The following OSBPL8 variants were observed in gnomAD, a reference collection of about 807,000 sequenced individuals.
OSBPL8 encodes oxysterol-binding protein-related protein 8.
A neutral mutation model predicts 125.5 loss-of-function variants in OSBPL8; 59 were observed. The ratio of observed to expected loss-of-function variants is 0.47; its 90% CI spans 0.38 to 0.58. OSBPL8 has a LOEUF of 0.58. OSBPL8 is among the 20% of genes least tolerant of loss of function. OSBPL8 has a pLI of 0.00. For missense variants in OSBPL8, 758 were observed against 1,047.8 expected, an observed-to-expected ratio of 0.72 and a Z score of 3.82; for synonymous variants, 330 against 338.9, an observed-to-expected ratio of 0.97 and a Z score of 0.29.
intron 4 of OSBPL8, among the ~76,000 whole-genome samples, chr12:76,420,730 A>C (rs917745564): frequency 4.6e-5 from 7 of 152,072 alleles, no homozygotes; most frequent in Non-Finnish European, 1.0e-4. Context: ...TACAACAATG[A>C]AGTATATCAG....
At chr12:76,386,364 C>T (rs1405633168) in intron 13 of OSBPL8, 98 bp from the exon 14 acceptor site, 3 of 1,425,014 alleles carry the variant, frequency 2.1e-6, no homozygotes, top group Non-Finnish European at 2.8e-6. Flanking sequence ...CATCTGGGAA[C>T]CGTCCTTATA....
chr12:76,498,724 A>AT (rs1879546938), intron 1 of OSBPL8, among the ~76,000 whole-genome samples: 1 of 80,966 alleles, frequency 1.2e-5, no homozygotes. Flanking sequence ...AAGCCTCCCC[A>AT]CTTTTTTTTT....
intron 23 of OSBPL8, among the ~76,000 whole-genome samples, 179 bp downstream of exon 23, chr12:76,356,447 G>T (rs1488559288): frequency 1.3e-5 from 2 of 152,082 alleles, no homozygotes; most frequent in African/African-American, 4.8e-5. Context: ...TCCTTCCCAA[G>T]TATTTTAGTG....
intron 1 of OSBPL8, among the ~76,000 whole-genome samples, chr12:76,552,428 C>CAA (rs55942644): frequency 2.6e-4 from 14 of 54,884 alleles, no homozygotes; most frequent in South Asian, 9.5e-4. Context: ...CCCATGTCTC[C>CAA]AAAAAAAAAA....
At position 76,361,552 on chromosome 12, in the gene OSBPL8, T is replaced by A. The variant is rs1952206954; in HGVS notation, c.2329-2741A>T. ...CTTTTCAGCAGCATCCCACTCTAAT[T>A]TACTATATTAGTCCATATTTACGCT... On this transcript the variant is annotated intron_variant, in intron 21 of 23. Transcript: ENST00000261183. Among the ~76,000 whole-genome samples the A allele has an allele frequency of 2.0e-5, 3 of 152,142 alleles. No homozygotes were observed. The South Asian group carries it at 6.2e-4, about 32-fold the overall frequency.
chr12:76,419,087 T>C (rs999916648), intron 4 of OSBPL8, among the ~76,000 whole-genome samples: 10 of 151,874 alleles, frequency 6.6e-5, no homozygotes, highest in African/African-American at 2.4e-4. Context: ...AATACAAAAA[T>C]TAGCTGGGCG....
At chr12:76,391,821 G>A (rs1953572923) in intron 10 of OSBPL8, among the ~76,000 whole-genome samples, 1 of 152,022 alleles carries the variant, frequency 6.6e-6, no homozygotes, top group Admixed American at 6.6e-5. Context: ...AAAATGATAG[G>A]GAAGAAATGT....
At position 76,487,633 on chromosome 12, in the gene OSBPL8, T is replaced by C; in HGVS notation, c.-67-15A>G. 1 of 1,166,600 alleles carries C rather than the reference T, an allele frequency of 8.6e-7. No individual in the cohort carries two copies. The highest frequency in any genetic ancestry group is 1.6e-5 in the South Asian group (1 of 62,424). The allele number at this position is 1,166,600 out of a possible 1,614,324, so 72.3% of individuals were successfully genotyped here. ...ATCTGCAAATCCTAAAATAAGAAAA[T>C]GATATTTATTAGGACTGGTATAAAA... On this transcript the variant is annotated splice_polypyrimidine_tract_variant and intron_variant, in intron 1 of 23. Coordinates refer to ENST00000261183, the MANE Select transcript of OSBPL8 (RefSeq NM_020841.5).
chr12:76,434,709 G>A (rs979591420), intron 4 of OSBPL8, among the ~76,000 whole-genome samples: 1 of 152,082 alleles, frequency 6.6e-6, no homozygotes, highest in African/African-American at 2.4e-5. Flanking sequence ...CAAGAGACCT[G>A]AACAGGCATT....
intron 4 of OSBPL8, among the ~76,000 whole-genome samples, chr12:76,420,574 T>A (rs966283412): frequency 6.6e-6 from 1 of 151,966 alleles, no homozygotes. Flanking sequence ...GAAAAAAATA[T>A]TTTTTTCAGG....
At chr12:76,501,767 A>G (rs1193128805) in intron 1 of OSBPL8, among the ~76,000 whole-genome samples, 1 of 152,260 alleles carries the variant, frequency 6.6e-6, no homozygotes, top group African/African-American at 2.4e-5. Flanking sequence ...TCCTCAATAC[A>G]GCATCACTGT....
intron 4 of OSBPL8, among the ~76,000 whole-genome samples, chr12:76,433,326 C>G (rs1192274412): frequency 6.6e-6 from 1 of 151,916 alleles, no homozygotes. Context: ...CGTAGAAAAC[C>G]CTACAGGTTC....
intron 1 of OSBPL8, among the ~76,000 whole-genome samples, chr12:76,509,748 G>A (rs1281202012): frequency 2.0e-5 from 3 of 152,176 alleles, no homozygotes; most frequent in Admixed American, 1.3e-4. Flanking sequence ...TTAGAGGTGT[G>A]CCGTGCAAGC....
At chr12:76,557,866 A>G (rs1389717025) in intron 1 of OSBPL8, among the ~76,000 whole-genome samples, 3 of 152,234 alleles carry the variant, frequency 2.0e-5, no homozygotes, top group African/African-American at 7.2e-5. Flanking sequence ...AGGAAAATAC[A>G]GTAGCATCTT....
At chr12:76,359,915 G>A (rs911264778) in intron 21 of OSBPL8, among the ~76,000 whole-genome samples, 4 of 152,104 alleles carry the variant, frequency 2.6e-5, no homozygotes, top group East Asian at 1.9e-4. Flanking sequence ...CCCACAACAC[G>A]TGGGAATTAT....
At chr12:76,446,688 T>C (rs1444890253) in intron 4 of OSBPL8, among the ~76,000 whole-genome samples, 1 of 152,102 alleles carries the variant, frequency 6.6e-6, no homozygotes, top group African/African-American at 2.4e-5. Context: ...ACAGTAATGA[T>C]AATAATATTA....
chr12:76,358,372 G>T (rs1045623189), intron 22 of OSBPL8, among the ~76,000 whole-genome samples: 6 of 151,788 alleles, frequency 4.0e-5, no homozygotes, highest in Non-Finnish European at 8.8e-5. Context: ...AGTAGAGACG[G>T]GGTTTCCCCA....
chr12:76,362,636 C>G (rs1184453114), intron 21 of OSBPL8, among the ~76,000 whole-genome samples: 1 of 152,186 alleles, frequency 6.6e-6, no homozygotes, highest in Non-Finnish European at 1.5e-5. Flanking sequence ...CAAGGATGCC[C>G]TCTCTCACCA....
chr12:76,412,966 G>A (rs935530565), intron 4 of OSBPL8, among the ~76,000 whole-genome samples: 1 of 152,058 alleles, frequency 6.6e-6, no homozygotes, highest in African/African-American at 2.4e-5. Flanking sequence ...TTGTACTACA[G>A]TATTTACTGC....
Sources: allele counts gnomAD v4.1 joint callset (sites outside exome capture counted in the v4.1 genomes callset), GRCh38; gene constraint gnomAD v4.1.1; transcripts MANE v1.5; gene names NCBI Gene and HGNC (gene_info 2026-07-23, HGNC 2026-07-21).